Variants in SPIDR observed in about 807,000 individuals in gnomAD.
SPIDR encodes scaffold protein involved in DNA repair, also known as DNA repair-scaffolding protein.
Under a neutral mutation model 104.6 loss-of-function variants are expected in SPIDR, and 93 were observed. The ratio of observed to expected loss-of-function variants is 0.89; its 90% CI spans 0.75 to 1.06. The LOEUF (loss-of-function observed/expected upper bound fraction) is 1.06. Among genes scored for constraint, SPIDR ranks in the 50% least tolerant of loss-of-function variants. SPIDR has a pLI of 0.00. For synonymous variants in SPIDR, 431 were observed against 416.9 expected (o/e 1.03, Z -0.41); for missense variants, 1,154 against 1,111.2 (o/e 1.04, Z -0.55).
chr8:47,313,241 A>C (rs2044575366), intron 5 of SPIDR, among the ~76,000 whole-genome samples: 2 of 152,204 alleles, frequency 1.3e-5, no homozygotes, highest in Admixed American at 1.3e-4. Context: ...ATTTGCAAAA[A>C]TCACAAGCAT....
chr8:47,340,170 A>G (rs2050474848), intron 5 of SPIDR, among the ~76,000 whole-genome samples: 1 of 152,030 alleles, frequency 6.6e-6, no homozygotes, highest in South Asian at 2.1e-4. Flanking sequence ...AGTTTCTAAC[A>G]CAAAAGAGGT....
intron 8 of SPIDR, among the ~76,000 whole-genome samples, chr8:47,508,922 T>G (rs150921191): frequency 6.6e-6 from 1 of 151,830 alleles, no homozygotes; most frequent in Non-Finnish European, 1.5e-5. Flanking sequence ...TTATGTATTA[T>G]GGAAGTGTCC....
intron 8 of SPIDR, among the ~76,000 whole-genome samples, chr8:47,451,324 G>A (rs1323130342): frequency 2.0e-5 from 3 of 152,126 alleles, no homozygotes; most frequent in African/African-American, 7.2e-5. Flanking sequence ...CTTAACGCCT[G>A]TAATCCCAGC....
At position 47,673,925 on chromosome 8, in the gene SPIDR, A is replaced by G. The variant is rs1210520713; in HGVS notation, c.1669A>G (p.Lys557Glu). 5.6e-6 allele frequency: 9 copies of G among 1,613,988 alleles called. No individual in the cohort carries two copies. The highest frequency in any genetic ancestry group is 4.0e-5 in the African/African-American group (3 of 74,928). Residue 557 changes from lysine to glutamate, a missense_variant, in exon 11 of 20, where the codon AAA becomes GAA. Coordinates refer to ENST00000297423, the MANE Select transcript of SPIDR (RefSeq NM_001080394.4). ...CSLVGMKVLQ[K>E]VTRGRTAGIF... ...CCTGGTGGGAATGAAGGTTCTACAG[A>G]AAGTCACCAGAGGAAGGTGAGAACG...
In SPIDR at chr8:47,347,929, G is replaced by A. The variant is rs1342068956; in HGVS notation, c.526-48447G>A. ...TTGCTCGTCTGTGTCTTTTAATTGGGGCATTTAGCCCATTTACATTTAAAT... is the reference window on the plus strand; with the variant it reads ...TTGCTCGTCTGTGTCTTTTAATTGGAGCATTTAGCCCATTTACATTTAAAT... On this transcript the variant is annotated intron_variant, in intron 5 of 19. Transcript: ENST00000297423. 7.9e-5 allele frequency among the ~76,000 whole-genome samples: 12 copies of A among 152,038 alleles called. 1 individual carries two copies. The highest frequency in any genetic ancestry group is 2.9e-4 in the African/African-American group (12 of 41,384).
chr8:47,472,948 T>A (rs1329301693), intron 8 of SPIDR, among the ~76,000 whole-genome samples: 1 of 152,232 alleles, frequency 6.6e-6, no homozygotes, highest in African/African-American at 2.4e-5. Flanking sequence ...AATCTTTCCT[T>A]TCTGGCCGTG....
intron 8 of SPIDR, among the ~76,000 whole-genome samples, chr8:47,564,960 T>C (rs1163328466): frequency 6.6e-6 from 1 of 152,030 alleles, no homozygotes; most frequent in Non-Finnish European, 1.5e-5. Context: ...AAGAAATTCA[T>C]TGACGGCCAG....
chr8:47,572,878 G>A (rs893799070), intron 8 of SPIDR, among the ~76,000 whole-genome samples: 22 of 152,154 alleles, frequency 1.4e-4, no homozygotes, highest in African/African-American at 4.6e-4. Context: ...GGGCAGTGCC[G>A]CTGCCTGTCC....
chr8:47,316,903 G>A (rs890910394), intron 5 of SPIDR, among the ~76,000 whole-genome samples: 13 of 152,178 alleles, frequency 8.5e-5, no homozygotes, highest in Non-Finnish European at 1.5e-5. Flanking sequence ...TGTTCATGCT[G>A]AGATATAATG....
intron 10 of SPIDR, among the ~76,000 whole-genome samples, chr8:47,631,147 A>G (rs2067013912): frequency 6.6e-6 from 1 of 152,176 alleles, no homozygotes; most frequent in African/African-American, 2.4e-5. Context: ...GAGGCAGAAA[A>G]TAAGCCCTTT....
intron 8 of SPIDR, chr8:47,547,346 G>A (rs2089594989): frequency 1.8e-5 from 9 of 487,512 alleles, no homozygotes; most frequent in South Asian, 1.6e-4. Flanking sequence ...AATCCAGCAG[G>A]GTGGGTTATA....
rs1317816906 is a variant in SPIDR, at chr8:47,735,551, G to A, written c.*101G>A. 1 of 1,575,192 alleles carries A rather than the reference G, an allele frequency of 6.3e-7. No individual in the cohort carries two copies. Among genetic ancestry groups the A allele is most frequent in the Non-Finnish European group, 8.6e-7 (1 of 1,157,612 alleles). ...TTTGTTAACTATGGACACAGTGAAC[G>A]TAGTTTACGATCTTGAAATGAAACT... On this transcript the variant is annotated 3_prime_UTR_variant, in exon 20 of 20. Coordinates refer to ENST00000297423, the MANE Select transcript of SPIDR (RefSeq NM_001080394.4).
chr8:47,592,306 TGCAGTGCTGGGGACCA>T, intron 8 of SPIDR: 1 of 1,107,672 alleles, frequency 9.0e-7, no homozygotes, highest in Non-Finnish European at 1.4e-6. Flanking sequence ...TGTGCGGATC[TGCAGTGCTGGGGACCA>T]GTTACCTTTC....
At chr8:47,629,846 A>G (rs2066780909) in intron 10 of SPIDR, among the ~76,000 whole-genome samples, 1 of 152,264 alleles carries the variant, frequency 6.6e-6, no homozygotes, top group Non-Finnish European at 1.5e-5. Context: ...TAAATAGGTA[A>G]ATTTCTTTAT....
chr8:47,290,263 G>A (rs929626282), intron 3 of SPIDR, among the ~76,000 whole-genome samples: 2 of 152,178 alleles, frequency 1.3e-5, no homozygotes, highest in East Asian at 1.9e-4. Flanking sequence ...GGCTGGTCTC[G>A]ATTATATAAC....
chr8:47,561,193 G>A (rs1474270275), intron 8 of SPIDR, among the ~76,000 whole-genome samples: 1 of 152,198 alleles, frequency 6.6e-6, no homozygotes, highest in East Asian at 1.9e-4. Flanking sequence ...ATATGTTCAA[G>A]TGAGACCCAG....
At chr8:47,583,392 G>A (rs370723902) in intron 8 of SPIDR, among the ~76,000 whole-genome samples, 6 of 151,548 alleles carry the variant, frequency 4.0e-5, no homozygotes, top group South Asian at 2.1e-4. Flanking sequence ...GACTTATCAC[G>A]TGAGATTTAA....
intron 5 of SPIDR, among the ~76,000 whole-genome samples, chr8:47,299,187 A>T (rs1364226638): frequency 9.2e-5 from 14 of 152,072 alleles, no homozygotes; most frequent in African/African-American, 3.1e-4. Context: ...GTAAGTTGGA[A>T]TCCTAGGTAT....
intron 8 of SPIDR, among the ~76,000 whole-genome samples, chr8:47,584,974 A>T (rs1203293808): frequency 6.6e-6 from 1 of 152,086 alleles, no homozygotes; most frequent in African/African-American, 2.4e-5. Flanking sequence ...AAATAATATT[A>T]TGTCAAGTTT....
Sources: allele counts gnomAD v4.1 joint callset (sites outside exome capture counted in the v4.1 genomes callset), GRCh38; gene constraint gnomAD v4.1.1; transcripts MANE v1.5; gene names NCBI Gene and HGNC (gene_info 2026-07-23, HGNC 2026-07-21).